The following KIRREL3 variants were observed in gnomAD, a reference collection of about 807,000 sequenced individuals.
KIRREL3 encodes the protein kin of IRRE-like protein 3.
Under a neutral mutation model 89.7 loss-of-function variants are expected in KIRREL3, and 36 were observed. The ratio of observed to expected loss-of-function variants is 0.40; its 90% CI spans 0.31 to 0.53. The LOEUF (loss-of-function observed/expected upper bound fraction) is 0.53. KIRREL3 is among the 20% of genes least tolerant of loss of function. KIRREL3 has a pLI of 0.49. For missense variants in KIRREL3, 864 were observed against 1,056.6 expected, an observed-to-expected ratio of 0.82 and a Z score of 2.53; for synonymous variants, 445 against 441.4, an observed-to-expected ratio of 1.01 and a Z score of -0.10.
chr11:126,665,067 A>T (rs11220575), intron 1 of KIRREL3, among the ~76,000 whole-genome samples: 13,912 of 152,270 alleles, frequency 0.091, 694 homozygotes, highest in Middle Eastern at 0.13. Flanking sequence ...TGCACAGCAG[A>T]TTACATGGTA....
rs113084978 is a variant in KIRREL3 at position 126,579,851 on chromosome 11, A to AT, written c.56-16940dup. The stretch of plus-strand genomic sequence containing the variant: ...GGTCCTTAAAAGAGGGAGCCAAGTC[A>AT]TTTTTTTTTTTTGAGGCAGAGTCTT... On this transcript the variant is annotated intron_variant, in intron 1 of 16. Transcript: ENST00000525144. This position sits in a 1 kb window ranked among gnomAD's most constrained non-coding sequence, Gnocchi z 5.3. Among the ~76,000 whole-genome samples, 143,397 of 146,886 alleles carry AT rather than the reference A, an allele frequency of 0.98. 70,018 individuals carry two copies. Among genetic ancestry groups the AT allele is most frequent in the East Asian group, 1 (4,995 of 5,016 alleles).
chr11:126,678,308 AGAAGT>A, intron 1 of KIRREL3, among the ~76,000 whole-genome samples: 1 of 151,404 alleles, frequency 6.6e-6, no homozygotes. Context: ...GGCCGAGATA[AGAAGT>A]GAAGGGGTCA....
Position 126,872,824 on chromosome 11 carries a change from C to T in KIRREL3, c.55+127631G>A, listed in dbSNP as rs1381105282. The stretch of plus-strand genomic sequence containing the variant: ...TAGTGTGTTGAATAATACCCCATGA[C>T]AACTGGGGTTTGAAAGGTAGCCCAG... On this transcript the variant is annotated intron_variant, in intron 1 of 16. Coordinates refer to ENST00000525144, the MANE Select transcript of KIRREL3 (RefSeq NM_032531.4). This position sits in a 1 kb window ranked among gnomAD's most constrained non-coding sequence, Gnocchi z 4.2. Among the ~76,000 whole-genome samples, 1 of 152,184 alleles carries T rather than the reference C, an allele frequency of 6.6e-6. No homozygotes were observed.
At chr11:126,937,626 C>T (rs917334918) in intron 1 of KIRREL3, among the ~76,000 whole-genome samples, 16 of 152,164 alleles carry the variant, frequency 1.1e-4, no homozygotes, top group South Asian at 2.1e-4. Context: ...GTTGGCCGGG[C>T]GTGGTGGCTC....
At position 126,528,120 on chromosome 11, in the gene KIRREL3, C is replaced by G. The variant is rs1026524293; in HGVS notation, c.134-1433G>C. 2.0e-5 allele frequency among the ~76,000 whole-genome samples: 3 copies of G among 152,182 alleles called. No individual in the cohort carries two copies. Among genetic ancestry groups the G allele is most frequent in the Non-Finnish European group, 4.4e-5 (3 of 68,036 alleles). ...TTAGAGCAGGGGTTTGAGCAGGGGC[C>G]CATCTGCATTCCAAGCCCTCCCTTT... On this transcript the variant is annotated intron_variant, in intron 2 of 16. Transcript: ENST00000525144. This position sits in a 1 kb window ranked among gnomAD's most constrained non-coding sequence, Gnocchi z 4.6.
intron 1 of KIRREL3, among the ~76,000 whole-genome samples, chr11:126,894,057 A>G (rs1946036911): frequency 6.6e-6 from 1 of 152,220 alleles, no homozygotes; most frequent in Non-Finnish European, 1.5e-5. Context: ...GCTGGAAAAC[A>G]TGACAAAATA....
At chr11:126,442,910 T>C (rs567467121) in intron 10 of KIRREL3, among the ~76,000 whole-genome samples, 32 of 152,092 alleles carry the variant, frequency 2.1e-4, no homozygotes, top group African/African-American at 6.5e-4. Context: ...CTGGCAGGGG[T>C]GGAGGCAGAG....
At chr11:126,767,588 A>G (rs1949866261) in intron 1 of KIRREL3, among the ~76,000 whole-genome samples, 1 of 150,722 alleles carries the variant, frequency 6.6e-6, no homozygotes, top group South Asian at 2.1e-4. Flanking sequence ...CACTGTAGGG[A>G]CCAAATATGT....
At chr11:126,552,422 C>T (rs765624636) in intron 2 of KIRREL3, among the ~76,000 whole-genome samples, 16 of 152,152 alleles carry the variant, frequency 1.1e-4, no homozygotes, top group Non-Finnish European at 1.9e-4. Context: ...CATCAGGGCC[C>T]TAGGAATTCT....
At chr11:126,691,377 C>A (rs1946873393) in intron 1 of KIRREL3, among the ~76,000 whole-genome samples, 1 of 152,082 alleles carries the variant, frequency 6.6e-6, no homozygotes, top group African/African-American at 2.4e-5. Flanking sequence ...AACTTGGGGG[C>A]AATACAAATG....
At position 126,668,693 on chromosome 11, in the gene KIRREL3, T is replaced by TTTTCTTTTTC. The variant is rs766038535; in HGVS notation, c.56-105782_56-105781insGAAAAAGAAA. On this transcript the variant is annotated intron_variant, in intron 1 of 16. Transcript: ENST00000525144. This position sits in a 1 kb window ranked among gnomAD's most constrained non-coding sequence, Gnocchi z 4.4. ...TAAAGAGCTGTTGGGAAGTTTCTGT[T>TTTTCTTTTTC]TTTCTTTCTTTCTTTCTTTCTTTCT... Among the ~76,000 whole-genome samples the TTTTCTTTTTC allele has an allele frequency of 7.0e-4, 89 of 126,712 alleles. No individual in the cohort carries two copies. The highest frequency in any genetic ancestry group is 2.6e-3 in the African/African-American group (86 of 32,560). 83.1% of individuals were successfully genotyped at this position (126,712 alleles called of 152,430 possible). A position where few individuals can be genotyped will look rare whatever the true frequency, so the allele number is the denominator to read the frequency against.
Position 126,898,228 on chromosome 11 carries a change from C to A in KIRREL3, c.55+102227G>T, listed in dbSNP as rs1445860144. ...AAGGACAATGAAACACTACTTTATG[C>A]CAATTAGGTTAGCAAGAATTAGAAA... On this transcript the variant is annotated intron_variant, in intron 1 of 16. Coordinates refer to ENST00000525144, the MANE Select transcript of KIRREL3 (RefSeq NM_032531.4). The surrounding 1 kb of genome is among the most constrained non-coding windows in gnomAD (Gnocchi z 4.9). Among the ~76,000 whole-genome samples the A allele has an allele frequency of 2.0e-5, 3 of 152,044 alleles. No individual in the cohort carries two copies. The highest frequency in any genetic ancestry group is 7.2e-5 in the African/African-American group (3 of 41,404).
Position 126,788,587 on chromosome 11 carries a change from A to G in KIRREL3, c.55+211868T>C, listed in dbSNP as rs1052553473. ...TGAGGGCTGCTTTAAGAATGGAAGAAGGACCTATGTTCTGCCAGGCTGTGC... is the reference window on the plus strand; with the variant it reads ...TGAGGGCTGCTTTAAGAATGGAAGAGGGACCTATGTTCTGCCAGGCTGTGC... On this transcript the variant is annotated intron_variant, in intron 1 of 16. Transcript: ENST00000525144. The surrounding 1 kb of genome is among the most constrained non-coding windows in gnomAD (Gnocchi z 4.1). 6.6e-6 allele frequency among the ~76,000 whole-genome samples: 1 copy of G among 152,210 alleles called. No individual in the cohort carries two copies. The highest frequency in any genetic ancestry group is 2.4e-5 in the African/African-American group (1 of 41,464).
Position 126,428,010 on chromosome 11 carries a change from C to T in KIRREL3, c.1806+1169G>A, listed in dbSNP as rs1270411470. On this transcript the variant is annotated intron_variant, in intron 15 of 16. Coordinates refer to ENST00000525144, the MANE Select transcript of KIRREL3 (RefSeq NM_032531.4). This position sits in a 1 kb window ranked among gnomAD's most constrained non-coding sequence, Gnocchi z 6.4. Reference sequence around the variant, plus strand: ...GGAAAAGTCAGTTTGATTCAGTAAACGTCTGTGAGCCTCTACCAGGGCCTG... The same window carrying T: ...GGAAAAGTCAGTTTGATTCAGTAAATGTCTGTGAGCCTCTACCAGGGCCTG... 1.3e-4 allele frequency among the ~76,000 whole-genome samples: 20 copies of T among 152,198 alleles called. No individual in the cohort carries two copies. Among genetic ancestry groups the T allele is most frequent in the Admixed American group, 1.1e-3 (17 of 15,274 alleles).
At position 126,443,902 on chromosome 11, in the gene KIRREL3, G is replaced by A. The variant is rs1955686009; in HGVS notation, c.1252+1077C>T. The stretch of plus-strand genomic sequence containing the variant: ...GGTGGGAACAGGGGCCTCCCAAAGG[G>A]CAGTGGGCATGACAGAGGTGAGGGG... On this transcript the variant is annotated intron_variant, in intron 10 of 16. Transcript: ENST00000525144. The surrounding 1 kb of genome is among the most constrained non-coding windows in gnomAD (Gnocchi z 7.3). Among the ~76,000 whole-genome samples, 1 of 152,176 alleles carries A rather than the reference G, an allele frequency of 6.6e-6. No homozygotes were observed. The highest frequency in any genetic ancestry group is 1.5e-5 in the Non-Finnish European group (1 of 68,028).
intron 9 of KIRREL3, among the ~76,000 whole-genome samples, chr11:126,446,256 TTTTC>T (rs759558338): frequency 7.3e-5 from 8 of 108,992 alleles, no homozygotes; most frequent in East Asian, 2.1e-4. Flanking sequence ...TTTCTCTTTC[TTTTC>T]TTTCTCTCTC....
intron 1 of KIRREL3, among the ~76,000 whole-genome samples, chr11:126,785,234 G>A (rs1418764574): frequency 6.6e-6 from 1 of 152,156 alleles, no homozygotes; most frequent in African/African-American, 2.4e-5. Context: ...ACGTGGCGTG[G>A]TGACAGCAAG....
At chr11:126,532,468 T>G (rs1216691613) in intron 2 of KIRREL3, among the ~76,000 whole-genome samples, 1 of 152,164 alleles carries the variant, frequency 6.6e-6, no homozygotes. Context: ...CTCCCCCTCC[T>G]GGGTTCAAGG....
Position 126,768,866 on chromosome 11 carries a change from C to T in KIRREL3, c.56-205954G>A, listed in dbSNP as rs752546601. Among the ~76,000 whole-genome samples, 8 of 152,126 alleles carry T rather than the reference C, an allele frequency of 5.3e-5. No homozygotes were observed. The highest frequency in any genetic ancestry group is 1.9e-4 in the East Asian group (1 of 5,188). ...ACCAGACATAGAGCTCCATGGAGCA[C>T]GAGAGCCATGGCAAGAAGGCGATGT... On this transcript the variant is annotated intron_variant, in intron 1 of 16. Coordinates refer to ENST00000525144, the MANE Select transcript of KIRREL3 (RefSeq NM_032531.4). The surrounding 1 kb of genome is among the most constrained non-coding windows in gnomAD (Gnocchi z 4.5).
Sources: allele counts gnomAD v4.1 joint callset (sites outside exome capture counted in the v4.1 genomes callset), GRCh38; gene constraint gnomAD v4.1.1; non-coding constraint Gnocchi (gnomAD v3.1); transcripts MANE v1.5; gene names NCBI Gene and HGNC (gene_info 2026-07-23, HGNC 2026-07-21).